CCSER1: variants seen among roughly 807,000 people sequenced by gnomAD.
CCSER1 encodes the protein serine-rich coiled-coil domain-containing protein 1.
In CCSER1, 41 loss-of-function variants were observed where a neutral mutation model predicts 82.0. That is an observed-to-expected ratio of 0.50 (90% CI 0.39 to 0.65). The LOEUF is 0.65. Ranked by LOEUF, CCSER1 falls within the 30% of genes least tolerant of loss-of-function variation. The probability of loss-of-function intolerance (pLI) is 0.00; values close to 1 mark genes in which losing one functional copy is unlikely to be tolerated. For missense variants in CCSER1, 1,119 were observed against 1,064.2 expected (o/e 1.05, Z -0.72); for synonymous variants, 414 against 383.9 (o/e 1.08, Z -0.92).
intron 9 of CCSER1, among the ~76,000 whole-genome samples, chr4:90,937,257 A>G (rs1300728722): frequency 2.0e-5 from 3 of 152,156 alleles, no homozygotes. Context: ...AACTCGAGTG[A>G]TGGGTCACTG....
chr4:90,611,059 C>CTTT (rs201354908), intron 5 of CCSER1, among the ~76,000 whole-genome samples: 4,146 of 93,674 alleles, frequency 0.044, 144 homozygotes, highest in Non-Finnish European at 0.06. Flanking sequence ...CTTTTCTTTT[C>CTTT]TTTTTTTTTT....
intron 10 of CCSER1, among the ~76,000 whole-genome samples, chr4:91,557,539 T>C (rs1762462124): frequency 6.6e-6 from 1 of 151,492 alleles, no homozygotes; most frequent in South Asian, 2.1e-4. Flanking sequence ...GTAAATACTA[T>C]GATAACAATT....
intron 10 of CCSER1, among the ~76,000 whole-genome samples, chr4:91,207,961 G>T (rs1654947097): frequency 6.6e-6 from 1 of 151,938 alleles, no homozygotes; most frequent in Admixed American, 6.6e-5. Flanking sequence ...GTTTTGATTT[G>T]CATTTTTCTA....
intron 10 of CCSER1, among the ~76,000 whole-genome samples, chr4:91,346,175 C>A (rs1748043562): frequency 6.6e-6 from 1 of 151,928 alleles, no homozygotes; most frequent in African/African-American, 2.4e-5. Flanking sequence ...CACCACCACA[C>A]CCAGAGAATT....
At chr4:91,306,242 G>C (rs1745067037) in intron 10 of CCSER1, among the ~76,000 whole-genome samples, 1 of 151,906 alleles carries the variant, frequency 6.6e-6, no homozygotes, top group East Asian at 1.9e-4. Context: ...CAGAGTAGTA[G>C]GAAAAGGTGA....
At chr4:91,449,915 A>G (rs1211846672) in intron 10 of CCSER1, among the ~76,000 whole-genome samples, 1 of 152,084 alleles carries the variant, frequency 6.6e-6, no homozygotes, top group Non-Finnish European at 1.5e-5. Context: ...AGTTGAATTG[A>G]AAGTAGTTTC....
chr4:90,468,279 T>C lies in CCSER1; in HGVS notation c.1649T>C (p.Val550Ala), dbSNP rs753443542. ...SYHSVVSCAA[V>A]VLTPMEPMIE... ...CACTCTGTCGTCTCATGTGCCGCAG[T>C]AGTTCTTACTCCTATGGAACCAATG... Residue 550 changes from valine to alanine, a missense_variant, in exon 5 of 11, where the codon GTA becomes GCA. Physicochemically the swap from Val to Ala is moderately conservative, Grantham distance 64. Transcript: ENST00000509176. The C allele has an allele frequency of 3.1e-6, 5 of 1,609,152 alleles. No individual in the cohort carries two copies. Among genetic ancestry groups the C allele is most frequent in the Non-Finnish European group, 3.4e-6 (4 of 1,176,840 alleles).
intron 1 of CCSER1, among the ~76,000 whole-genome samples, chr4:90,226,223 G>T (rs1221098804): frequency 6.6e-6 from 1 of 152,260 alleles, no homozygotes; most frequent in African/African-American, 2.4e-5. Flanking sequence ...AAGCCAGCCA[G>T]CTGAGCCTTG....
chr4:91,403,748 C>G (rs1752494635), intron 10 of CCSER1, among the ~76,000 whole-genome samples: 1 of 152,146 alleles, frequency 6.6e-6, no homozygotes, highest in Non-Finnish European at 1.5e-5. Context: ...AAGAAGCTGA[C>G]TTCATCATCA....
chr4:90,293,848 A>C (rs1272455169), intron 1 of CCSER1, among the ~76,000 whole-genome samples: 2 of 151,944 alleles, frequency 1.3e-5, no homozygotes, highest in Non-Finnish European at 1.5e-5. Flanking sequence ...TAATGGCATC[A>C]ATTTGTTATT....
intron 5 of CCSER1, among the ~76,000 whole-genome samples, chr4:90,477,587 G>C (rs1370564744): frequency 6.6e-6 from 1 of 151,950 alleles, no homozygotes; most frequent in African/African-American, 2.4e-5. Flanking sequence ...CCTCAAATTT[G>C]CCTATTCACA....
chr4:90,744,437 A>G (rs1747068114), intron 7 of CCSER1, among the ~76,000 whole-genome samples: 3 of 152,250 alleles, frequency 2.0e-5, no homozygotes, highest in African/African-American at 7.2e-5. Flanking sequence ...GTCAATTGCT[A>G]GAATATCAAG....
intron 5 of CCSER1, among the ~76,000 whole-genome samples, chr4:90,520,623 ATTATT>A (rs1772970043): frequency 6.6e-6 from 1 of 152,230 alleles, no homozygotes; most frequent in South Asian, 2.1e-4. Flanking sequence ...ATTCATCAGC[ATTATT>A]TTAACATTAA....
chr4:91,034,643 T>C (rs1741278366), intron 9 of CCSER1, among the ~76,000 whole-genome samples: 1 of 152,184 alleles, frequency 6.6e-6, no homozygotes, highest in Non-Finnish European at 1.5e-5. Context: ...GCTGTGTGTG[T>C]CTATAAGTTA....
intron 5 of CCSER1, among the ~76,000 whole-genome samples, chr4:90,583,912 A>G (rs1311683192): frequency 6.6e-6 from 1 of 152,160 alleles, no homozygotes; most frequent in African/African-American, 2.4e-5. Flanking sequence ...ATTTAATTTT[A>G]ATTGGAATAT....
intron 10 of CCSER1, among the ~76,000 whole-genome samples, chr4:91,552,073 T>C (rs1762185172): frequency 6.6e-6 from 1 of 151,708 alleles, no homozygotes; most frequent in Non-Finnish European, 1.5e-5. Context: ...AGTTCATTTT[T>C]TAAGATAAAA....
At chr4:90,295,225 T>G (rs1579012994) in intron 1 of CCSER1, among the ~76,000 whole-genome samples, 1 of 152,142 alleles carries the variant, frequency 6.6e-6, no homozygotes, top group South Asian at 2.1e-4. Flanking sequence ...GAAGTAGAAT[T>G]ATTTTTTCAT....
At chr4:91,217,388 C>A (rs1480446383) in intron 10 of CCSER1, among the ~76,000 whole-genome samples, 1 of 152,166 alleles carries the variant, frequency 6.6e-6, no homozygotes, top group Admixed American at 6.5e-5. Context: ...TCTCCACCTC[C>A]CCATCAGATT....
At chr4:91,156,349 G>A (rs1037581526) in intron 10 of CCSER1, among the ~76,000 whole-genome samples, 5 of 151,454 alleles carry the variant, frequency 3.3e-5, no homozygotes, top group African/African-American at 1.2e-4. Flanking sequence ...ACCATCATTT[G>A]CTCTGTCCTT....
Sources: gnomAD v4.1 joint callset for allele counts (sites outside exome capture counted in the v4.1 genomes callset) on GRCh38, gnomAD v4.1.1 for gene constraint, MANE v1.5 for transcripts, NCBI Gene and HGNC (gene_info 2026-07-23, HGNC 2026-07-21) for gene names.